SCHIP1: variants seen among roughly 807,000 people sequenced by gnomAD.
SCHIP1 encodes the protein schwannomin interacting protein 1.
Under a neutral mutation model 29.7 loss-of-function variants are expected in SCHIP1, and 8 were observed. The ratio of observed to expected loss-of-function variants is 0.27; its 90% confidence interval spans 0.16 to 0.49. The LOEUF (loss-of-function observed/expected upper bound fraction) is 0.49, where lower values mean the gene tolerates loss of function less well. Ranked by LOEUF, SCHIP1 falls within the 20% of genes least tolerant of loss-of-function variation. SCHIP1 has a pLI of 0.99. For missense variants in SCHIP1, 193 were observed against 294.6 expected, an observed-to-expected ratio of 0.66 and a Z score of 2.52; for synonymous variants, 76 against 94.9, an observed-to-expected ratio of 0.80 and a Z score of 1.16.
At chr3:159,333,507 A>G in the SCHIP1 span, among the ~76,000 whole-genome samples, 107 of 143,670 alleles carry the variant, frequency 7.4e-4, 1 homozygote, top group African/African-American at 2.5e-3. Context: ...ACACACATAC[A>G]CAAACATACA....
the SCHIP1 span, among the ~76,000 whole-genome samples, chr3:159,561,987 C>T: frequency 6.6e-6 from 1 of 152,160 alleles, no homozygotes; most frequent in Middle Eastern, 3.2e-3. Flanking sequence ...TTTCAACAAA[C>T]CACATGTGCA....
At chr3:159,427,271 C>T in the SCHIP1 span, among the ~76,000 whole-genome samples, 23 of 151,606 alleles carry the variant, frequency 1.5e-4, no homozygotes, top group Admixed American at 8.6e-4. Context: ...TCCCTCTTTG[C>T]AGACGACATG....
At chr3:159,392,844 G>A in the SCHIP1 span, among the ~76,000 whole-genome samples, 2 of 152,078 alleles carry the variant, frequency 1.3e-5, no homozygotes, top group African/African-American at 4.8e-5. Flanking sequence ...GGGATGGCTG[G>A]GTCAAATGGT....
At chr3:159,477,376 G>C in the SCHIP1 span, among the ~76,000 whole-genome samples, 1 of 152,168 alleles carries the variant, frequency 6.6e-6, no homozygotes, top group South Asian at 2.1e-4. Flanking sequence ...TTCCATAATA[G>C]CTGTACTAAT....
the SCHIP1 span, among the ~76,000 whole-genome samples, chr3:159,293,151 T>C: frequency 6.6e-6 from 1 of 152,302 alleles, no homozygotes. Context: ...GGTTGGCTGT[T>C]TTAATATTTG....
At chr3:159,452,453 G>A in the SCHIP1 span, among the ~76,000 whole-genome samples, 9 of 152,038 alleles carry the variant, frequency 5.9e-5, no homozygotes, top group Middle Eastern at 3.2e-3. Context: ...TTCCAGCTTC[G>A]TCCCTGTCCC....
the SCHIP1 span, among the ~76,000 whole-genome samples, chr3:159,338,576 T>C: frequency 6.6e-6 from 1 of 151,382 alleles, no homozygotes; most frequent in African/African-American, 2.4e-5. Context: ...AGTGATGTGA[T>C]AGGACCTACT....
At chr3:159,793,720 G>A in the SCHIP1 span, among the ~76,000 whole-genome samples, 1 of 152,098 alleles carries the variant, frequency 6.6e-6, no homozygotes, top group African/African-American at 2.4e-5. Flanking sequence ...ACCAAGCCTG[G>A]CTAATTTTTG....
At chr3:159,783,389 T>A in the SCHIP1 span, among the ~76,000 whole-genome samples, 1 of 151,896 alleles carries the variant, frequency 6.6e-6, no homozygotes, top group Non-Finnish European at 1.5e-5. Context: ...CAAGAGGGAG[T>A]TTGGAAAGTT....
the SCHIP1 span, among the ~76,000 whole-genome samples, chr3:159,454,703 C>T: frequency 1.3e-5 from 2 of 152,098 alleles, no homozygotes; most frequent in African/African-American, 4.8e-5. Context: ...AACTCTGGGT[C>T]CTGGAAGTCT....
the SCHIP1 span, among the ~76,000 whole-genome samples, chr3:159,297,973 G>A: frequency 6.6e-6 from 1 of 152,168 alleles, no homozygotes; most frequent in Non-Finnish European, 1.5e-5. Context: ...CACACCATGA[G>A]ATATTTGTCT....
At chr3:159,394,606 C>G in the SCHIP1 span, among the ~76,000 whole-genome samples, 1 of 151,928 alleles carries the variant, frequency 6.6e-6, no homozygotes, top group African/African-American at 2.4e-5. Context: ...TGTTTATATG[C>G]TGGATTACAT....
chr3:159,552,395 A>G, the SCHIP1 span, among the ~76,000 whole-genome samples: 1 of 152,078 alleles, frequency 6.6e-6, no homozygotes, highest in Non-Finnish European at 1.5e-5. Flanking sequence ...TGACCACAGA[A>G]TAACTACTCT....
the SCHIP1 span, among the ~76,000 whole-genome samples, chr3:159,648,221 A>G: frequency 3.3e-5 from 5 of 152,074 alleles, no homozygotes. Flanking sequence ...CTTACCCTTG[A>G]CAGAAAGTTA....
chr3:159,767,616 G>A, the SCHIP1 span, among the ~76,000 whole-genome samples: 2 of 152,142 alleles, frequency 1.3e-5, no homozygotes, highest in African/African-American at 4.8e-5. Flanking sequence ...CAATGAAAAG[G>A]GGATAGCTTC....
the SCHIP1 span, among the ~76,000 whole-genome samples, chr3:159,685,385 A>G: frequency 6.6e-6 from 1 of 152,334 alleles, no homozygotes; most frequent in East Asian, 1.9e-4. Flanking sequence ...CTGGCTATTT[A>G]AAAAACAATT....
At chr3:159,677,180 G>A in the SCHIP1 span, among the ~76,000 whole-genome samples, 1 of 152,174 alleles carries the variant, frequency 6.6e-6, no homozygotes, top group African/African-American at 2.4e-5. Context: ...CAATACCCTA[G>A]AATTCCCTAT....
intron 2 of SCHIP1, among the ~76,000 whole-genome samples, chr3:159,878,011 G>A (rs1007467608): frequency 1.1e-4 from 16 of 152,036 alleles, no homozygotes; most frequent in African/African-American, 3.6e-4. Flanking sequence ...TGCTGCCCAC[G>A]GATCTCCCAC....
chr3:159,400,215 C>T, the SCHIP1 span, among the ~76,000 whole-genome samples: 1 of 152,134 alleles, frequency 6.6e-6, no homozygotes, highest in African/African-American at 2.4e-5. Flanking sequence ...GGTAACAATA[C>T]ATTAAGACAA....
Sources: allele counts gnomAD v4.1 joint callset (sites outside exome capture counted in the v4.1 genomes callset), GRCh38; gene constraint gnomAD v4.1.1; transcripts MANE v1.5; gene names NCBI Gene and HGNC (gene_info 2026-07-23, HGNC 2026-07-21).